Variants in AFG2A observed in about 807,000 individuals in gnomAD.
AFG2A encodes the protein ATPase family gene 2 protein homolog A.
At chr4:122,992,770 CT>C in the AFG2A span, among the ~76,000 whole-genome samples, 1 of 107,462 alleles carries the variant, frequency 9.3e-6, no homozygotes, top group South Asian at 5.1e-4. Flanking sequence ...TAGCCACTTA[CT>C]TAAATGTAAT....
the AFG2A span, among the ~76,000 whole-genome samples, chr4:123,171,360 G>C: frequency 6.6e-6 from 1 of 151,944 alleles, no homozygotes; most frequent in Non-Finnish European, 1.5e-5. Flanking sequence ...CTATGTAATG[G>C]CCAACTAAGG....
At chr4:123,127,312 A>G in the AFG2A span, among the ~76,000 whole-genome samples, 2 of 152,248 alleles carry the variant, frequency 1.3e-5, no homozygotes, top group Non-Finnish European at 2.9e-5. Flanking sequence ...TTATTTTAAA[A>G]TCATAATATC....
chr4:123,097,361 T>TAA, the AFG2A span, among the ~76,000 whole-genome samples: 68 of 147,284 alleles, frequency 4.6e-4, no homozygotes, highest in East Asian at 1.2e-3. Flanking sequence ...AAGTCAGAAC[T>TAA]AAAAAAAAAA....
chr4:122,971,290 C>G, the AFG2A span, among the ~76,000 whole-genome samples: 5 of 152,036 alleles, frequency 3.3e-5, 2 homozygotes, highest in South Asian at 1.0e-3. Flanking sequence ...ACCTGTAGTC[C>G]CAGCTACTTG....
At chr4:123,031,624 G>A in the AFG2A span, among the ~76,000 whole-genome samples, 2 of 152,132 alleles carry the variant, frequency 1.3e-5, no homozygotes, top group African/African-American at 4.8e-5. Context: ...AGAAAAAGTA[G>A]ACATACACTA....
chr4:123,055,291 T>C, the AFG2A span, among the ~76,000 whole-genome samples: 2 of 152,204 alleles, frequency 1.3e-5, no homozygotes, highest in East Asian at 1.9e-4. Flanking sequence ...TTGATGTATT[T>C]CATATTTTTG....
chr4:123,005,408 G>A, the AFG2A span, among the ~76,000 whole-genome samples: 9 of 152,148 alleles, frequency 5.9e-5, no homozygotes, highest in Admixed American at 5.2e-4. Context: ...GCCCACCTCA[G>A]CCTTTCAAAG....
the AFG2A span, among the ~76,000 whole-genome samples, chr4:122,990,519 C>T: frequency 2.0e-5 from 3 of 151,800 alleles, no homozygotes; most frequent in Non-Finnish European, 2.9e-5. Context: ...AAAAACAAAA[C>T]AAAGGAAACT....
At chr4:123,172,938 CTT>C in the AFG2A span, among the ~76,000 whole-genome samples, 1 of 152,098 alleles carries the variant, frequency 6.6e-6, no homozygotes, top group Non-Finnish European at 1.5e-5. Context: ...TTCAAAACCT[CTT>C]TGTAATTAAT....
At chr4:123,313,244 C>T in the AFG2A span, among the ~76,000 whole-genome samples, 1 of 152,128 alleles carries the variant, frequency 6.6e-6, no homozygotes, top group Non-Finnish European at 1.5e-5. Flanking sequence ...CTTTTCAATT[C>T]TTCCAGCTTT....
At chr4:122,988,643 C>T in the AFG2A span, among the ~76,000 whole-genome samples, 9 of 152,084 alleles carry the variant, frequency 5.9e-5, no homozygotes, top group African/African-American at 2.2e-4. Context: ...GATCCACCCG[C>T]CTCAGCCTCC....
chr4:122,942,029 G>T, the AFG2A span, among the ~76,000 whole-genome samples: 27 of 152,004 alleles, frequency 1.8e-4, no homozygotes, highest in African/African-American at 5.5e-4. Context: ...GCTGGATTCG[G>T]TTTGCCAGTA....
At chr4:122,939,083 T>C in the AFG2A span, among the ~76,000 whole-genome samples, 1 of 122,248 alleles carries the variant, frequency 8.2e-6, no homozygotes, top group Non-Finnish European at 1.6e-5. Flanking sequence ...TTCTTTTTTT[T>C]TTTTTTTTTT....
chr4:123,224,944 C>G, the AFG2A span, among the ~76,000 whole-genome samples: 1 of 152,168 alleles, frequency 6.6e-6, no homozygotes, highest in Admixed American at 6.5e-5. Context: ...TTTTGATTTG[C>G]ATTTCTCTGA....
At chr4:123,209,885 A>C in the AFG2A span, among the ~76,000 whole-genome samples, 2 of 151,810 alleles carry the variant, frequency 1.3e-5, no homozygotes, top group African/African-American at 4.8e-5. Flanking sequence ...TTGAGCCTTC[A>C]CCCCACTTCT....
chr4:122,929,293 C>A, the AFG2A span: 5 of 1,379,544 alleles, frequency 3.6e-6, no homozygotes, highest in South Asian at 9.6e-5. Flanking sequence ...TTTGCATTTT[C>A]TTGTAACATT....
At chr4:123,102,580 G>A in the AFG2A span, among the ~76,000 whole-genome samples, 3,229 of 152,020 alleles carry the variant, frequency 0.021, 65 homozygotes, top group Non-Finnish European at 0.035. Context: ...TATGATTAAA[G>A]TTGAATCACT....
At chr4:123,081,466 G>A in the AFG2A span, among the ~76,000 whole-genome samples, 1 of 152,128 alleles carries the variant, frequency 6.6e-6, no homozygotes, top group Non-Finnish European at 1.5e-5. Context: ...TAACTTGATA[G>A]CTTATTTCCT....
chr4:123,062,768 G>T, the AFG2A span, among the ~76,000 whole-genome samples: 17 of 152,234 alleles, frequency 1.1e-4, no homozygotes, highest in African/African-American at 3.9e-4. Context: ...TGATCTTATG[G>T]TACCAGCTTC....
Sources: allele counts gnomAD v4.1 joint callset (sites outside exome capture counted in the v4.1 genomes callset), GRCh38; gene constraint gnomAD v4.1.1; transcripts MANE v1.5; gene names NCBI Gene and HGNC (gene_info 2026-07-23, HGNC 2026-07-21).